ATRNL1: variants seen among roughly 807,000 people sequenced by gnomAD.
ATRNL1 encodes the protein attractin-like protein 1.
ATRNL1 carries 95 observed loss-of-function variants against 182.7 expected under a neutral mutation model. That is an observed-to-expected ratio of 0.52 (90% confidence interval 0.44 to 0.62). The LOEUF (loss-of-function observed/expected upper bound fraction) is 0.62, where lower values mean the gene tolerates loss of function less well. Among genes scored for constraint, ATRNL1 ranks in the 20% least tolerant of loss-of-function variants. ATRNL1 has a pLI of 0.00. For missense variants in ATRNL1, 1,471 were observed against 1,679.5 expected, an observed-to-expected ratio of 0.88 and a Z score of 2.17; for synonymous variants, 576 against 568.3, an observed-to-expected ratio of 1.01 and a Z score of -0.19.
chr10:115,276,565 G>A (rs1852114791), intron 13 of ATRNL1, among the ~76,000 whole-genome samples: 2 of 152,206 alleles, frequency 1.3e-5, no homozygotes, highest in Non-Finnish European at 1.5e-5. Flanking sequence ...TTATCAGAAT[G>A]TCTTGTGATT....
At position 115,366,563 on chromosome 10, in the gene ATRNL1, G is replaced by T. The variant is rs868947865; in HGVS notation, c.3176-28096G>T. Among the ~76,000 whole-genome samples the T allele has an allele frequency of 8.0e-3, 1,198 of 150,610 alleles. 13 individuals are homozygous for T. The highest frequency in any genetic ancestry group is 0.028 in the African/African-American group (1,125 of 40,784). On this transcript the variant is annotated intron_variant, in intron 19 of 28. Transcript: ENST00000355044. ...TGTGTGAATTTGATCCTGTCATTAT[G>T]ATGTTAGCTGGTGATTTTGCTCGTT...
At chr10:115,141,796 C>A (rs558720544) in intron 5 of ATRNL1, among the ~76,000 whole-genome samples, 2 of 152,176 alleles carry the variant, frequency 1.3e-5, no homozygotes, top group East Asian at 3.9e-4. Context: ...CCGTTAAATT[C>A]TTCCCACTTA....
intron 9 of ATRNL1, among the ~76,000 whole-genome samples, chr10:115,236,559 T>TTTTG (rs1186544249): frequency 6.6e-6 from 1 of 152,216 alleles, no homozygotes; most frequent in Non-Finnish European, 1.5e-5. Flanking sequence ...TCCCCACATT[T>TTTTG]TTTGTTTGTT....
intron 14 of ATRNL1, among the ~76,000 whole-genome samples, chr10:115,283,433 A>C (rs1451878206): frequency 6.6e-6 from 1 of 152,062 alleles, no homozygotes; most frequent in Non-Finnish European, 1.5e-5. Context: ...CGAACAAACA[A>C]ACACACCATT....
intron 27 of ATRNL1, among the ~76,000 whole-genome samples, chr10:115,779,568 C>T (rs951498126): frequency 6.6e-6 from 1 of 152,162 alleles, no homozygotes; most frequent in South Asian, 2.1e-4. Flanking sequence ...TTGGCTCCTG[C>T]CAAAAGTACA....
intron 26 of ATRNL1, among the ~76,000 whole-genome samples, chr10:115,641,136 G>A (rs1457476911): frequency 6.6e-6 from 1 of 152,012 alleles, no homozygotes; most frequent in Admixed American, 6.6e-5. Context: ...CAGATAAGAA[G>A]CATATTTATT....
chr10:115,727,933 A>G (rs782650484), intron 27 of ATRNL1, among the ~76,000 whole-genome samples: 6 of 152,000 alleles, frequency 3.9e-5, no homozygotes, highest in Non-Finnish European at 8.8e-5. Flanking sequence ...ATGGTATTAG[A>G]ATCCAAAAGT....
intron 28 of ATRNL1, among the ~76,000 whole-genome samples, chr10:115,907,338 C>T (rs187024173): frequency 9.1e-4 from 139 of 152,320 alleles, no homozygotes; most frequent in African/African-American, 3.1e-3. Context: ...TCTTCCCTTT[C>T]GGTATGTGCT....
At chr10:115,148,086 G>T (rs1350622024) in intron 5 of ATRNL1, among the ~76,000 whole-genome samples, 4 of 152,060 alleles carry the variant, frequency 2.6e-5, no homozygotes, top group Non-Finnish European at 5.9e-5. Flanking sequence ...CCATGTACAT[G>T]GGATGTCTTT....
In ATRNL1 at chr10:115,215,711, C is replaced by G; in HGVS notation, c.1363C>G (p.Leu455Val). The G allele has an allele frequency of 6.3e-7, 1 of 1,594,598 alleles. No individual in the cohort carries two copies. The highest frequency in any genetic ancestry group is 8.5e-7 in the Non-Finnish European group (1 of 1,173,668). Residue 455 changes from leucine (L) to valine (V), a missense_variant, in exon 9 of 29, where the codon CTT (leucine) becomes GTT (valine). This residue lies in a region of ATRNL1 where 1,031 missense variants were observed against 1,156.0 expected (regional missense o/e 0.89). Coordinates refer to ENST00000355044, the MANE Select transcript of ATRNL1 (RefSeq NM_207303.4). The part of the protein sequence containing the change: ...QEYHISSNTW[L>V]VPETKGAIVQ... Reference sequence around the variant, plus strand: ...TTCTGTTACAGCATCAAACACTTGGCTTGTTCCAGAAACTAAAGGAGCTAT... The same window carrying G: ...TTCTGTTACAGCATCAAACACTTGGGTTGTTCCAGAAACTAAAGGAGCTAT...
At chr10:115,124,613 C>G (rs1844885656) in intron 3 of ATRNL1, among the ~76,000 whole-genome samples, 2 of 152,156 alleles carry the variant, frequency 1.3e-5, no homozygotes, top group African/African-American at 4.8e-5. Context: ...GGAAGTTAGG[C>G]TAATACCATA....
chr10:115,217,309 A>G (rs1849273509), intron 9 of ATRNL1, among the ~76,000 whole-genome samples: 1 of 152,122 alleles, frequency 6.6e-6, no homozygotes, highest in African/African-American at 2.4e-5. Context: ...CCTGGTCTTG[A>G]ACTCCTGACC....
At chr10:115,888,960 T>C (rs1480094637) in intron 28 of ATRNL1, among the ~76,000 whole-genome samples, 2 of 152,172 alleles carry the variant, frequency 1.3e-5, no homozygotes, top group Non-Finnish European at 2.9e-5. Context: ...CAGTGGAATA[T>C]AGTCCCCTAC....
At chr10:115,299,878 A>G (rs1554923866) in intron 15 of ATRNL1, among the ~76,000 whole-genome samples, 156 bp from the exon 16 acceptor site, 1 of 152,222 alleles carries the variant, frequency 6.6e-6, no homozygotes, top group East Asian at 1.9e-4. Context: ...AAAATATGCT[A>G]TAATTGTTAA....
At chr10:115,477,250 A>G (rs1554973326) in intron 24 of ATRNL1, among the ~76,000 whole-genome samples, 1 of 151,584 alleles carries the variant, frequency 6.6e-6, no homozygotes, top group Non-Finnish European at 1.5e-5. Flanking sequence ...AAGAAACAGA[A>G]ATCGTGCATG....
At chr10:115,930,001 A>G (rs1254188490) in intron 28 of ATRNL1, among the ~76,000 whole-genome samples, 2 of 152,128 alleles carry the variant, frequency 1.3e-5, no homozygotes, top group African/African-American at 2.4e-5. Context: ...AGAATGTGGT[A>G]TAGATGCTTA....
chr10:115,464,927 A>G (rs1405714152), intron 22 of ATRNL1, among the ~76,000 whole-genome samples: 2 of 151,770 alleles, frequency 1.3e-5, no homozygotes, highest in African/African-American at 4.8e-5. Context: ...GAGAAGAAAA[A>G]GAATATACCC....
At chr10:115,294,762 G>T (rs1282483094) in intron 15 of ATRNL1, among the ~76,000 whole-genome samples, 1 of 152,154 alleles carries the variant, frequency 6.6e-6, no homozygotes, top group Admixed American at 6.5e-5. Context: ...TTAGTTCAAT[G>T]GGGTGTATTG....
intron 26 of ATRNL1, among the ~76,000 whole-genome samples, chr10:115,570,480 G>A (rs1854323329): frequency 1.3e-5 from 2 of 152,140 alleles, no homozygotes; most frequent in East Asian, 3.9e-4. Context: ...TATGGTTTCT[G>A]GAATTTGAGT....
Sources: gnomAD v4.1 joint callset for allele counts (sites outside exome capture counted in the v4.1 genomes callset) on GRCh38, gnomAD v4.1.1 for gene constraint, gnomAD v4.1.1 regional missense constraint, MANE v1.5 for transcripts, NCBI Gene and HGNC (gene_info 2026-07-23, HGNC 2026-07-21) for gene names.